FBN2: variants seen among roughly 807,000 people sequenced by gnomAD.
FBN2 encodes the protein fibrillin 2.
A neutral mutation model predicts 355.6 loss-of-function variants in FBN2; 105 were observed. The ratio of observed to expected loss-of-function variants is 0.30; its 90% CI spans 0.25 to 0.35. FBN2 has a LOEUF of 0.35. FBN2 is among the 10% of genes least tolerant of loss of function. The pLI, the probability that FBN2 is intolerant of heterozygous loss-of-function variation, is 1.00. For synonymous variants in FBN2, 1,350 were observed against 1,301.2 expected, an observed-to-expected ratio of 1.04 and a Z score of -0.81; for missense variants, 3,280 against 3,758.7, an observed-to-expected ratio of 0.87 and a Z score of 3.33.
At chr5:128,433,600 T>C (rs1364778734) in intron 7 of FBN2, among the ~76,000 whole-genome samples, 1 of 152,194 alleles carries the variant, frequency 6.6e-6, no homozygotes, top group African/African-American at 2.4e-5. Context: ...ATGAAACCTA[T>C]AGCTGAAGAA....
intron 5 of FBN2, among the ~76,000 whole-genome samples, chr5:128,488,533 G>A (rs1171590731): frequency 6.6e-6 from 1 of 151,124 alleles, no homozygotes; most frequent in East Asian, 1.9e-4. Context: ...TAAGTTTTAG[G>A]GTACATGTGC....
At chr5:128,340,076 T>C (rs1750958784) in intron 25 of FBN2, among the ~76,000 whole-genome samples, 1 of 152,178 alleles carries the variant, frequency 6.6e-6, no homozygotes, top group African/African-American at 2.4e-5. Context: ...AAATCTCCTA[T>C]GCTTATAACT....
intron 63 of FBN2, among the ~76,000 whole-genome samples, 182 bp downstream of exon 63, chr5:128,263,243 C>T (rs1222621654): frequency 6.6e-6 from 1 of 152,248 alleles, no homozygotes; most frequent in Non-Finnish European, 1.5e-5. Flanking sequence ...GGAAGTAATG[C>T]TATACCCTGA....
chr5:128,537,574 C>T lies in FBN2; in HGVS notation c.30G>A (p.Gln10=). ...CACAGCCCAGCCACAGGAAGTAGAG[C>T]TGGAGACACAGCCTCCGTCTTCTCC... MGRRRRLCL[Q]LYFLWLGCVV... The change falls in exon 1 of 65, where the codon CAG becomes CAA. Residue 10 remains glutamine, a synonymous_variant. Coordinates refer to ENST00000262464, the MANE Select transcript of FBN2 (RefSeq NM_001999.4). 1 of 1,606,564 alleles carries T rather than the reference C, an allele frequency of 6.2e-7. No individual in the cohort carries two copies. The highest frequency in any genetic ancestry group is 8.5e-7 in the Non-Finnish European group (1 of 1,177,834).
At chr5:128,360,356 A>G (rs372216989) in intron 19 of FBN2, among the ~76,000 whole-genome samples, 2 of 152,154 alleles carry the variant, frequency 1.3e-5, no homozygotes, top group South Asian at 2.1e-4. Context: ...TGGCTTAAAA[A>G]GAGGACTCTC....
At chr5:128,349,073 T>C (rs538134885) in intron 23 of FBN2, among the ~76,000 whole-genome samples, 3 of 152,340 alleles carry the variant, frequency 2.0e-5, no homozygotes, top group East Asian at 3.9e-4. Context: ...ATTAACTCAG[T>C]GTGAAAGACT....
chr5:128,350,867 C>G lies in FBN2; in HGVS notation c.2812+1G>C. ...CCAGAAGCTCCCAATAAGGCTCCTA[C>G]CTAGTTCACACCGCTCACAGGGGCT... is the stretch of plus-strand genomic sequence containing the variant. On this transcript the variant is annotated splice_donor_variant, in intron 21 of 64. Transcript: ENST00000262464. LOFTEE classifies it high-confidence loss of function. 1.2e-6 allele frequency: 2 copies of G among 1,614,116 alleles called. No homozygotes were observed. Among genetic ancestry groups the G allele is most frequent in the Non-Finnish European group, 1.7e-6 (2 of 1,180,028 alleles).
intron 33 of FBN2, 118 bp from the exon 34 acceptor site, chr5:128,328,939 A>T: frequency 9.6e-7 from 1 of 1,036,876 alleles, no homozygotes; most frequent in Non-Finnish European, 1.5e-6. Flanking sequence ...AACATGAAAC[A>T]ACAGTTAATC....
At chr5:128,482,829 G>C (rs1755231736) in intron 5 of FBN2, among the ~76,000 whole-genome samples, 1 of 151,992 alleles carries the variant, frequency 6.6e-6, no homozygotes, top group South Asian at 2.1e-4. Flanking sequence ...GTGAAAAATT[G>C]TTCTGGTCTC....
At chr5:128,440,069 A>G (rs1165118670) in intron 7 of FBN2, among the ~76,000 whole-genome samples, 1 of 152,128 alleles carries the variant, frequency 6.6e-6, no homozygotes, top group African/African-American at 2.4e-5. Context: ...TGAAATTTCT[A>G]TTGTGTTTCA....
intron 5 of FBN2, among the ~76,000 whole-genome samples, chr5:128,468,451 G>C (rs1754771371): frequency 6.6e-6 from 1 of 152,182 alleles, no homozygotes; most frequent in South Asian, 2.1e-4. Flanking sequence ...TTATTTAAGA[G>C]TGGAACTACT....
chr5:128,407,704 T>C (rs749616113), intron 8 of FBN2, among the ~76,000 whole-genome samples: 4 of 152,190 alleles, frequency 2.6e-5, no homozygotes, highest in Non-Finnish European at 5.9e-5. Flanking sequence ...TCAAATGAAT[T>C]CAGGCCACAG....
chr5:128,268,839 A>C (rs950602652), intron 62 of FBN2, among the ~76,000 whole-genome samples: 2 of 152,216 alleles, frequency 1.3e-5, no homozygotes, highest in Non-Finnish European at 1.5e-5. Flanking sequence ...TTCATGTTAA[A>C]AACTTAATAA....
chr5:128,391,130 T>C (rs1752499476), intron 11 of FBN2, among the ~76,000 whole-genome samples: 1 of 152,170 alleles, frequency 6.6e-6, no homozygotes, highest in Admixed American at 6.5e-5. Context: ...ACTAATATGG[T>C]TTCAGATTCT....
intron 17 of FBN2, chr5:128,365,336 TATGA>T (rs1751739348): frequency 6.6e-6 from 1 of 152,490 alleles, no homozygotes; most frequent in African/African-American, 2.4e-5. Flanking sequence ...GATGTGCTTG[TATGA>T]ATGATCAAGT....
intron 23 of FBN2, among the ~76,000 whole-genome samples, chr5:128,346,715 G>A (rs1244163745): frequency 3.9e-5 from 6 of 152,090 alleles, no homozygotes; most frequent in Non-Finnish European, 7.4e-5. Context: ...GAGGCAGCTG[G>A]ATCACCTGAG....
chr5:128,345,899 G>A (rs1751169175), intron 23 of FBN2, among the ~76,000 whole-genome samples: 1 of 152,160 alleles, frequency 6.6e-6, no homozygotes, highest in Non-Finnish European at 1.5e-5. Context: ...TAATTTTAAT[G>A]ATAATTCTTC....
chr5:128,374,795 A>G (rs1211450554), intron 14 of FBN2, 45 bp from the exon 15 acceptor site: 1 of 1,611,656 alleles, frequency 6.2e-7, no homozygotes, highest in African/African-American at 1.3e-5. Context: ...GGGTAAATTT[A>G]ACGTTATTAC....
intron 34 of FBN2, 70 bp from the exon 35 acceptor site, chr5:128,319,071 A>G: frequency 7.8e-7 from 1 of 1,276,432 alleles, no homozygotes; most frequent in East Asian, 2.5e-5. Context: ...AATGTCTAAC[A>G]TTAGCGCATT....
Sources: allele counts gnomAD v4.1 joint callset (sites outside exome capture counted in the v4.1 genomes callset), GRCh38; gene constraint gnomAD v4.1.1; transcripts MANE v1.5; gene names NCBI Gene and HGNC (gene_info 2026-07-23, HGNC 2026-07-21).